Variants in CFAP69 observed in about 807,000 individuals in gnomAD.
CFAP69 encodes cilia and flagella associated protein 69.
In CFAP69, 92 loss-of-function variants were observed where a neutral mutation model predicts 123.0. The ratio of observed to expected loss-of-function variants is 0.75; its 90% CI spans 0.63 to 0.89. The LOEUF is 0.89. Among genes scored for constraint, CFAP69 ranks in the 40% least tolerant of loss-of-function variants. CFAP69 has a pLI of 0.00. For synonymous variants in CFAP69, 380 were observed against 364.3 expected, an observed-to-expected ratio of 1.04 and a Z score of -0.49; for missense variants, 1,067 against 1,096.9, an observed-to-expected ratio of 0.97 and a Z score of 0.39.
At chr7:90,285,484 AGT>A (rs1356912334) in intron 13 of CFAP69, among the ~76,000 whole-genome samples, 8 of 152,182 alleles carry the variant, frequency 5.3e-5, no homozygotes, top group Admixed American at 5.2e-4. Context: ...TCATTTCGTC[AGT>A]GTTAGTGGCC....
intron 15 of CFAP69, among the ~76,000 whole-genome samples, chr7:90,291,189 G>C (rs1323259532): frequency 6.6e-6 from 1 of 152,034 alleles, no homozygotes; most frequent in Non-Finnish European, 1.5e-5. Flanking sequence ...TCCATAATCA[G>C]AGCAGCCCTG....
downstream of CFAP69, among the ~76,000 whole-genome samples, chr7:90,314,371 C>G (rs1259768512): frequency 1.3e-5 from 2 of 152,122 alleles, no homozygotes; most frequent in Non-Finnish European, 2.9e-5. Flanking sequence ...GGCCTGTAAT[C>G]CCAGCACTTG....
chr7:90,277,441 C>T (rs1788787060), intron 11 of CFAP69, 107 bp downstream of exon 11: 3 of 970,544 alleles, frequency 3.1e-6, no homozygotes, highest in East Asian at 6.2e-5. Flanking sequence ...ATATTTACCA[C>T]AGAAAGCAGT....
intron 12 of CFAP69, among the ~76,000 whole-genome samples, chr7:90,281,537 C>T (rs1454290994): frequency 6.6e-6 from 1 of 152,034 alleles, no homozygotes; most frequent in Admixed American, 6.5e-5. Flanking sequence ...GGTGTTGGGG[C>T]AGTTGGTCCT....
chr7:90,277,401 G>C lies in CFAP69; in HGVS notation c.1155+67G>C, dbSNP rs527641099. 7.3e-6 allele frequency: 9 copies of C among 1,228,040 alleles called. No individual in the cohort carries two copies. In the South Asian group the frequency reaches 1.9e-4, roughly 26 times the overall value. The allele number at this position is 1,228,040 out of a possible 1,614,324, so 76.1% of individuals were successfully genotyped here. ...TACTTTGTAGTATAACTATTTTAAA[G>C]TCTTGACTGTAAATATTTTATCGGT... On this transcript the variant is annotated intron_variant, in intron 11 of 22. Coordinates refer to ENST00000389297, the MANE Select transcript of CFAP69 (RefSeq NM_001039706.3).
At position 90,250,187 on chromosome 7, in the gene CFAP69, G is replaced by GGAGAGAGAGAGAGAGAGAGA. The variant is rs10527106; in HGVS notation, c.120+4672_120+4691dup. Among the ~76,000 whole-genome samples, 535 of 125,674 alleles carry GGAGAGAGAGAGAGAGAGAGA rather than the reference G, an allele frequency of 4.3e-3. 17 individuals are homozygous for GGAGAGAGAGAGAGAGAGAGA. The highest frequency in any genetic ancestry group is 5.7e-3 in the Non-Finnish European group (337 of 59,296). The allele number at this position is 125,674 out of a possible 152,430, so 82.4% of individuals were successfully genotyped here. A position where few individuals can be genotyped will look rare whatever the true frequency, so the allele number is the denominator to read the frequency against. On this transcript the variant is annotated intron_variant, in intron 1 of 22. Coordinates refer to ENST00000389297, the MANE Select transcript of CFAP69 (RefSeq NM_001039706.3). ...GGGAGACCCCCACTCTTTAAAGAGA[G>GGAGAGAGAGAGAGAGAGAGA]GAGAGAGAGAGAGAGAGAGAGAGAG...
intron 11 of CFAP69, among the ~76,000 whole-genome samples, chr7:90,278,216 C>T (rs769290639): frequency 1.3e-5 from 2 of 152,064 alleles, no homozygotes; most frequent in Non-Finnish European, 2.9e-5. Context: ...TCAGTGCTAC[C>T]GCTTTCTAGC....
chr7:90,306,943 G>A lies in CFAP69; in HGVS notation c.2308G>A (p.Glu770Lys). ...WNEIYEEIKL[E>K]KLRPVTTDKK... The stretch of plus-strand genomic sequence containing the variant: ...TGAAATATATGAAGAAATAAAATTA[G>A]AAAAATTAAGACCAGTCACTACAGA... The change falls in exon 20 of 23, where the codon GAA becomes AAA. Residue 770 changes from glutamate (E) to lysine (K), a missense_variant. Coordinates refer to ENST00000389297, the MANE Select transcript of CFAP69 (RefSeq NM_001039706.3). The A allele has an allele frequency of 5.1e-6, 8 of 1,566,728 alleles. No homozygotes were observed. Among genetic ancestry groups the A allele is most frequent in the Non-Finnish European group, 6.1e-6 (7 of 1,144,458 alleles).
intron 14 of CFAP69, 94 bp from the exon 15 acceptor site, chr7:90,288,140 G>T: frequency 1.1e-6 from 1 of 908,158 alleles, no homozygotes; most frequent in Non-Finnish European, 1.7e-6. Context: ...GTATTTCTCT[G>T]GTAAAAAAGC....
chr7:90,280,863 A>G (rs1341588181), intron 12 of CFAP69, among the ~76,000 whole-genome samples: 1 of 152,212 alleles, frequency 6.6e-6, no homozygotes, highest in East Asian at 1.9e-4. Flanking sequence ...CCATTTATGC[A>G]TGAAGGAGGA....
Position 90,273,415 on chromosome 7 carries a change from A to C in CFAP69, c.861-572A>C, listed in dbSNP as rs560773946. ...TGGTTTTACAAAGGAAAATGACATGATTGAATGTGTTATAGAGCTGTCACT... is the reference window on the plus strand; with the variant it reads ...TGGTTTTACAAAGGAAAATGACATGCTTGAATGTGTTATAGAGCTGTCACT... On this transcript the variant is annotated intron_variant, in intron 8 of 22. Coordinates refer to ENST00000389297, the MANE Select transcript of CFAP69 (RefSeq NM_001039706.3). Among the ~76,000 whole-genome samples the C allele has an allele frequency of 2.0e-5, 3 of 152,280 alleles. No homozygotes were observed. In the South Asian group the frequency reaches 6.2e-4, roughly 32 times the overall value.
intron 9 of CFAP69, among the ~76,000 whole-genome samples, chr7:90,276,606 C>A (rs1466159495): frequency 6.6e-6 from 1 of 152,158 alleles, no homozygotes; most frequent in Non-Finnish European, 1.5e-5. Flanking sequence ...TAAGTAGGAA[C>A]TACTTTATTA....
At chr7:90,297,971 G>C (rs1247221067) in intron 16 of CFAP69, 141 bp downstream of exon 16, 2 of 552,408 alleles carry the variant, frequency 3.6e-6, no homozygotes, top group Non-Finnish European at 6.3e-6. Flanking sequence ...AAACAAAATT[G>C]CTCCTAGAAA....
intron 9 of CFAP69, among the ~76,000 whole-genome samples, chr7:90,276,717 T>C (rs1035372454): frequency 6.6e-6 from 1 of 152,216 alleles, no homozygotes; most frequent in African/African-American, 2.4e-5. Flanking sequence ...CCTCCCTTAC[T>C]GTGTCATTTG....
chr7:90,274,936 C>A (rs1034773187), intron 9 of CFAP69, among the ~76,000 whole-genome samples: 2 of 152,172 alleles, frequency 1.3e-5, no homozygotes, highest in Non-Finnish European at 2.9e-5. Context: ...CCCACTTCTT[C>A]AGAGGCTCTG....
chr7:90,264,107 ATATATAT>A lies in CFAP69; in HGVS notation c.357-1193_357-1187del, dbSNP rs1562855154. Among the ~76,000 whole-genome samples the A allele has an allele frequency of 0.017, 1,038 of 61,858 alleles. 136 individuals carry two copies. In the East Asian group the frequency reaches 0.18, roughly 11 times the overall value. The allele number at this position is 61,858 out of a possible 152,430, so 40.6% of individuals were successfully genotyped here. On this transcript the variant is annotated intron_variant, in intron 4 of 22. Coordinates refer to ENST00000389297, the MANE Select transcript of CFAP69 (RefSeq NM_001039706.3). ...CTCCATCTCGAAAAAAAAAAAAAAT[ATATATAT>A]ATATATATATATATATATATATATA... is the stretch of plus-strand genomic sequence containing the variant.
At chr7:90,287,504 C>T in intron 14 of CFAP69, 2 of 985,158 alleles carry the variant, frequency 2.0e-6, no homozygotes, top group Non-Finnish European at 2.4e-6. Flanking sequence ...TTTTTTAGCT[C>T]CATAGTGAAC....
chr7:90,261,264 G>A (rs1034594068), intron 3 of CFAP69, among the ~76,000 whole-genome samples: 2 of 152,046 alleles, frequency 1.3e-5, no homozygotes, highest in African/African-American at 2.4e-5. Flanking sequence ...TAGTAGAGAC[G>A]GGGTTTTACC....
In CFAP69 at chr7:90,255,423, G is replaced by T; in HGVS notation, c.121G>T (p.Asp41Tyr). The T allele has an allele frequency of 6.2e-7, 1 of 1,611,050 alleles. No homozygotes were observed. Among genetic ancestry groups the T allele is most frequent in the Non-Finnish European group, 8.5e-7 (1 of 1,178,002 alleles). The change falls in exon 2 of 23, where the codon GAT (aspartate) becomes TAT (tyrosine). Residue 41 changes from aspartate to tyrosine, a missense_variant and splice_region_variant. Physicochemically the swap from Asp to Tyr is radical, Grantham distance 160. Transcript: ENST00000389297. ...ATAGTAAGAGTTGTATGTTTTTTAG[G>T]ATGTTTTCAAGCCTATGGACCTTAA... ...GVVTEDDEAQ[D>Y]VFKPMDLNRV...
Sources: gnomAD v4.1 joint callset for allele counts (sites outside exome capture counted in the v4.1 genomes callset) on GRCh38, gnomAD v4.1.1 for gene constraint, MANE v1.5 for transcripts, NCBI Gene and HGNC (gene_info 2026-07-23, HGNC 2026-07-21) for gene names.